Variants in SV2C observed in about 807,000 individuals in gnomAD.
SV2C encodes synaptic vesicle glycoprotein 2C.
SV2C carries 49 observed loss-of-function variants against 79.7 expected under a neutral mutation model. That is an observed-to-expected ratio of 0.61 (90% CI 0.49 to 0.78). SV2C has a LOEUF of 0.78. Ranked by LOEUF, SV2C falls within the 30% of genes least tolerant of loss-of-function variation. The pLI, the probability that SV2C is intolerant of heterozygous loss-of-function variation, is 0.00. For missense variants in SV2C, 833 were observed against 912.9 expected, an observed-to-expected ratio of 0.91 and a Z score of 1.13; for synonymous variants, 334 against 333.2, an observed-to-expected ratio of 1.00 and a Z score of -0.03.
At chr5:76,189,875 AGTC>A (rs1232000415) in intron 2 of SV2C, among the ~76,000 whole-genome samples, 2 of 152,172 alleles carry the variant, frequency 1.3e-5, no homozygotes, top group East Asian at 3.9e-4. Flanking sequence ...ATCTTCCCCA[AGTC>A]TTTCTTACAT....
In SV2C at chr5:76,331,450, G is replaced by T. The variant is rs569238915; in HGVS notation, c.*5903G>T. ...ACAGGTTCTGACAGCCAGTAGCAGGGGTATTTTGGGTTTCAGTTTAAAACT... is the reference window on the plus strand; with the variant it reads ...ACAGGTTCTGACAGCCAGTAGCAGGTGTATTTTGGGTTTCAGTTTAAAACT... On this transcript the variant is annotated 3_prime_UTR_variant, in exon 13 of 13. Coordinates refer to ENST00000502798, the MANE Select transcript of SV2C (RefSeq NM_014979.4). 1 of 152,382 alleles carries T rather than the reference G, an allele frequency of 6.6e-6. No individual in the cohort carries two copies. Among genetic ancestry groups the T allele is most frequent in the African/African-American group, 2.4e-5 (1 of 41,560 alleles). 9.4% of individuals were successfully genotyped at this position (152,382 alleles called of 1,614,324 possible). A position where few individuals can be genotyped will look rare whatever the true frequency, so the allele number is the denominator to read the frequency against.
intron 2 of SV2C, among the ~76,000 whole-genome samples, chr5:76,163,303 C>T (rs576954171): frequency 6.6e-6 from 1 of 152,268 alleles, no homozygotes; most frequent in East Asian, 1.9e-4. Flanking sequence ...TGGCACAGTT[C>T]CTGACATTAT....
chr5:76,158,876 A>T (rs776115836), intron 2 of SV2C, among the ~76,000 whole-genome samples: 1 of 152,072 alleles, frequency 6.6e-6, no homozygotes, highest in Non-Finnish European at 1.5e-5. Context: ...ATTTTTTATT[A>T]TGCATGGAAA....
chr5:76,296,903 G>C lies in SV2C; in HGVS notation c.1502+961G>C, dbSNP rs548234983. On this transcript the variant is annotated intron_variant, in intron 9 of 12. Transcript: ENST00000502798. ...ACTCTCCCACATAAAATACTGACTT[G>C]AATCTGCACTTAGCATTTCACAGAA... Among the ~76,000 whole-genome samples, 3 of 152,280 alleles carry C rather than the reference G, an allele frequency of 2.0e-5. No individual in the cohort carries two copies. The East Asian group carries it at 5.8e-4, about 29-fold the overall frequency.
intron 2 of SV2C, among the ~76,000 whole-genome samples, chr5:76,163,184 T>G (rs1561243661): frequency 6.6e-6 from 1 of 151,900 alleles, no homozygotes; most frequent in East Asian, 1.9e-4. Context: ...TTGAGGTCAT[T>G]TTCTTTTTCT....
At chr5:76,117,404 T>C (rs1205059662) in intron 1 of SV2C, among the ~76,000 whole-genome samples, 1 of 152,216 alleles carries the variant, frequency 6.6e-6, no homozygotes, top group Non-Finnish European at 1.5e-5. Context: ...ATGACTCACT[T>C]CTGCAATTAA....
the SV2C span, among the ~76,000 whole-genome samples, chr5:75,945,925 A>G: frequency 1.3e-5 from 2 of 152,100 alleles, no homozygotes; most frequent in Non-Finnish European, 2.9e-5. Context: ...GAGGCAGGAA[A>G]GGCAGTGCTG....
At chr5:76,285,459 C>A in intron 5 of SV2C, 164 bp downstream of exon 5, 2 of 1,026,378 alleles carry the variant, frequency 1.9e-6, no homozygotes, top group Non-Finnish European at 2.7e-6. Context: ...CAACAACCAA[C>A]ATGTAAAAAA....
chr5:76,174,299 C>G, intron 2 of SV2C: 1 of 961,196 alleles, frequency 1.0e-6, no homozygotes, highest in Non-Finnish European at 1.6e-6. Context: ...CCACGGCGGT[C>G]CTGCCGCTGC....
chr5:76,072,352 A>AT, the SV2C span, among the ~76,000 whole-genome samples: 1 of 152,344 alleles, frequency 6.6e-6, no homozygotes, highest in East Asian at 1.9e-4. Context: ...GTGGGATTTA[A>AT]TATTGTAGAA....
intron 6 of SV2C, among the ~76,000 whole-genome samples, chr5:76,290,975 A>G (rs1209063633): frequency 6.6e-6 from 1 of 152,116 alleles, no homozygotes; most frequent in Admixed American, 6.5e-5. Context: ...ACATTATTCT[A>G]TTACTACTTG....
rs182459716 is a variant in SV2C, at chr5:76,280,688, C to T, written c.914-4474C>T. On this transcript the variant is annotated intron_variant, in intron 4 of 12. Transcript: ENST00000502798. ...TCCGAGGTGGCCTGGCTGCTTTCCCCGGGGGGTGCCTGGGAGGCAGGCGTC... is the reference window on the plus strand; with the variant it reads ...TCCGAGGTGGCCTGGCTGCTTTCCCTGGGGGGTGCCTGGGAGGCAGGCGTC... Among the ~76,000 whole-genome samples the T allele has an allele frequency of 1.1e-3, 161 of 152,228 alleles. 2 individuals carry two copies. The South Asian group carries it at 0.02, about 19-fold the overall frequency.
At chr5:76,320,232 C>T (rs1166916588) in intron 12 of SV2C, among the ~76,000 whole-genome samples, 1 of 150,912 alleles carries the variant, frequency 6.6e-6, no homozygotes, top group African/African-American at 2.4e-5. Context: ...CTGTGACATC[C>T]TGGAAAAGGC....
At chr5:75,906,503 G>A in the SV2C span, among the ~76,000 whole-genome samples, 1 of 151,480 alleles carries the variant, frequency 6.6e-6, no homozygotes, top group Non-Finnish European at 1.5e-5. Context: ...ATAGGCAAAT[G>A]GGTTTCTAGA....
the SV2C span, among the ~76,000 whole-genome samples, chr5:75,996,531 G>T: frequency 6.6e-6 from 1 of 152,108 alleles, no homozygotes; most frequent in Non-Finnish European, 1.5e-5. Context: ...AAAGTCATTG[G>T]TAGCTTGATG....
chr5:75,900,143 C>A, the SV2C span, among the ~76,000 whole-genome samples: 6 of 152,282 alleles, frequency 3.9e-5, no homozygotes, highest in African/African-American at 1.2e-4. Flanking sequence ...TTAGTTGATG[C>A]AGTTCCTTCC....
At chr5:76,009,185 A>G in the SV2C span, among the ~76,000 whole-genome samples, 1 of 152,218 alleles carries the variant, frequency 6.6e-6, no homozygotes, top group Admixed American at 6.5e-5. Flanking sequence ...ACTAATCATC[A>G]GAGAAATGCA....
chr5:75,876,544 C>A, the SV2C span, among the ~76,000 whole-genome samples: 1 of 152,042 alleles, frequency 6.6e-6, no homozygotes, highest in Non-Finnish European at 1.5e-5. Flanking sequence ...ACGTAACAAA[C>A]CTTCACGTGT....
At chr5:76,181,320 CCA>C (rs1268229372) in intron 2 of SV2C, among the ~76,000 whole-genome samples, 2 of 152,178 alleles carry the variant, frequency 1.3e-5, no homozygotes, top group Non-Finnish European at 1.5e-5. Flanking sequence ...TCCGTATGGC[CCA>C]CAGAGTCTGA....
Sources: gnomAD v4.1 joint callset for allele counts (sites outside exome capture counted in the v4.1 genomes callset) on GRCh38, gnomAD v4.1.1 for gene constraint, MANE v1.5 for transcripts, NCBI Gene and HGNC (gene_info 2026-07-23, HGNC 2026-07-21) for gene names.